Variants in SORBS2 observed in about 807,000 individuals in gnomAD.
SORBS2 encodes sorbin and SH3 domain containing 2.
In SORBS2, 46 loss-of-function variants were observed where a neutral mutation model predicts 97.7. The observed-to-expected ratio is 0.47, with a 90% CI of 0.37 to 0.60. The LOEUF (loss-of-function observed/expected upper bound fraction) is 0.60. SORBS2 is among the 20% of genes least tolerant of loss of function. The pLI is 0.00. For synonymous variants in SORBS2, 476 were observed against 473.4 expected, an observed-to-expected ratio of 1.01 and a Z score of -0.07; for missense variants, 1,316 against 1,282.3, an observed-to-expected ratio of 1.03 and a Z score of -0.40.
At chr4:185,802,303 G>C (rs2099134596) in intron 1 of SORBS2, among the ~76,000 whole-genome samples, 1 of 152,114 alleles carries the variant, frequency 6.6e-6, no homozygotes, top group Non-Finnish European at 1.5e-5. Flanking sequence ...TAAATTGTAA[G>C]CTCTTTCAAT....
chr4:185,666,184 G>T lies in SORBS2; in HGVS notation c.-45-3942C>A, dbSNP rs772057366. On this transcript the variant is annotated intron_variant, in intron 4 of 20. Coordinates refer to the SORBS2 transcript ENST00000284776. ...TGAAGCATTTACCTCCAACACACTG[G>T]CAGGTAAGTTCTGATTTCCAAGCTG... 1.6e-5 allele frequency: 21 copies of T among 1,289,218 alleles called. No individual in the cohort carries two copies. The South Asian group carries it at 2.5e-4, about 15-fold the overall frequency. 79.9% of individuals were successfully genotyped at this position (1,289,218 alleles called of 1,614,324 possible). A position where few individuals can be genotyped will look rare whatever the true frequency, so the allele number is the denominator to read the frequency against.
chr4:185,649,703 C>T (rs1324745830), intron 2 of SORBS2, 47 bp from the exon 12 acceptor site: 2 of 1,187,886 alleles, frequency 1.7e-6, no homozygotes, highest in Non-Finnish European at 2.2e-6. Context: ...AAGCAAATCA[C>T]CTCTTAAAAA....
intron 4 of SORBS2, among the ~76,000 whole-genome samples, chr4:185,663,992 C>T (rs753995836): frequency 6.6e-6 from 1 of 151,408 alleles, no homozygotes; most frequent in Non-Finnish European, 1.5e-5. Context: ...GTAGTTGGGA[C>T]TACAGGCGCC....
chr4:185,861,328 C>T (rs2099223629), intron 1 of SORBS2, among the ~76,000 whole-genome samples: 1 of 138,206 alleles, frequency 7.2e-6, no homozygotes, highest in African/African-American at 2.8e-5. Flanking sequence ...GGGGTGGGGT[C>T]CATCAGTCGG....
At chr4:185,664,949 T>C (rs961227681) in intron 4 of SORBS2, among the ~76,000 whole-genome samples, 3 of 152,168 alleles carry the variant, frequency 2.0e-5, no homozygotes, top group Non-Finnish European at 2.9e-5. Flanking sequence ...ATATGCAATA[T>C]AGAATCTGTG....
Position 185,607,375 on chromosome 4 carries a change from G to A in SORBS2, c.2796+4405C>T. Reference sequence around the variant, plus strand: ...CTTGGAAATGAGCACGGATTATGAAGTTAAGAAAAAATAAACTAAGAAAAT... The same window carrying A: ...CTTGGAAATGAGCACGGATTATGAAATTAAGAAAAAATAAACTAAGAAAAT... On this transcript the variant is annotated intron_variant, in intron 12 of 14. Coordinates refer to ENST00000418609, the Ensembl canonical transcript of SORBS2. The surrounding 1 kb of genome is among the most constrained non-coding windows in gnomAD (Gnocchi z 5.2). The A allele has an allele frequency of 8.2e-7, 1 of 1,213,984 alleles. No individual in the cohort carries two copies. The allele number at this position is 1,213,984 out of a possible 1,614,324, so 75.2% of individuals were successfully genotyped here.
At chr4:185,849,258 G>C (rs1215164522) in intron 1 of SORBS2, among the ~76,000 whole-genome samples, 1 of 152,142 alleles carries the variant, frequency 6.6e-6, no homozygotes, top group Non-Finnish European at 1.5e-5. Flanking sequence ...CTAGAGAGCA[G>C]ACACTACCCA....
chr4:185,601,598 G>A (rs1255552086), intron 12 of SORBS2, among the ~76,000 whole-genome samples: 3 of 152,104 alleles, frequency 2.0e-5, no homozygotes, highest in Non-Finnish European at 4.4e-5. Flanking sequence ...ATATTTCTAC[G>A]TTGTTTAAGC....
At chr4:185,872,474 G>A (rs2099230944) in intron 1 of SORBS2, among the ~76,000 whole-genome samples, 1 of 152,140 alleles carries the variant, frequency 6.6e-6, no homozygotes, top group South Asian at 2.1e-4. Flanking sequence ...TGTGCGCGTG[G>A]AATGCACTAA....
At chr4:185,718,103 C>T (rs1040581972) in intron 2 of SORBS2, among the ~76,000 whole-genome samples, 2 of 151,940 alleles carry the variant, frequency 1.3e-5, no homozygotes, top group African/African-American at 2.4e-5. Context: ...TGGTGGCGGG[C>T]GCCTATAATC....
chr4:185,736,727 C>T (rs879374151), intron 2 of SORBS2, among the ~76,000 whole-genome samples: 7 of 152,194 alleles, frequency 4.6e-5, no homozygotes, highest in Middle Eastern at 3.4e-3. Flanking sequence ...CAGGGTGTGT[C>T]GAGCCTGTGG....
At position 185,607,485 on chromosome 4, in the gene SORBS2, G is replaced by A. The variant is rs1300906163; in HGVS notation, c.2796+4295C>T. 7 of 385,366 alleles carry A rather than the reference G, an allele frequency of 1.8e-5. No individual in the cohort carries two copies. Among genetic ancestry groups the A allele is most frequent in the Non-Finnish European group, 3.2e-5 (7 of 218,574 alleles). The allele number at this position is 385,366 out of a possible 1,614,324, so 23.9% of individuals were successfully genotyped here. ...TGAAAATAATTTTATGTTTAACATA[G>A]ATTTGAAGACATTTAGAAGATATCT... is the stretch of plus-strand genomic sequence containing the variant. On this transcript the variant is annotated intron_variant, in intron 12 of 14. Transcript: ENST00000418609. This position sits in a 1 kb window ranked among gnomAD's most constrained non-coding sequence, Gnocchi z 5.2.
chr4:185,587,716 G>A (rs893170794), intron 14 of SORBS2, 28 bp from the exon 27 acceptor site: 2 of 1,572,518 alleles, frequency 1.3e-6, no homozygotes, highest in Admixed American at 3.4e-5. Context: ...TCATGAAAGG[G>A]GGGTGACAAC....
chr4:185,750,917 A>G (rs1020942829), intron 2 of SORBS2, among the ~76,000 whole-genome samples: 2 of 152,014 alleles, frequency 1.3e-5, no homozygotes, highest in African/African-American at 4.8e-5. Context: ...TGGGTCAAGG[A>G]GTTGGAATTC....
At chr4:185,889,705 C>T (rs1252506207) in intron 1 of SORBS2, among the ~76,000 whole-genome samples, 7 of 152,062 alleles carry the variant, frequency 4.6e-5, no homozygotes, top group African/African-American at 7.2e-5. Flanking sequence ...CCTCCTCCTC[C>T]GCCTGACAGT....
chr4:185,831,613 G>A (rs1040166905), intron 1 of SORBS2, among the ~76,000 whole-genome samples: 5 of 152,140 alleles, frequency 3.3e-5, no homozygotes, highest in East Asian at 1.9e-4. Flanking sequence ...CAGTGAGTCC[G>A]GCATTCCATG....
At chr4:185,913,537 T>G (rs1416936017) in intron 1 of SORBS2, among the ~76,000 whole-genome samples, 1 of 152,190 alleles carries the variant, frequency 6.6e-6, no homozygotes, top group Non-Finnish European at 1.5e-5. Context: ...GCAATGATTG[T>G]GTTAAACGGT....
At chr4:185,666,261 T>A in intron 4 of SORBS2, 5 of 949,308 alleles carry the variant, frequency 5.3e-6, no homozygotes, top group Non-Finnish European at 7.3e-6. Context: ...CAAAAGTACC[T>A]CTTTTTGCGA....
At chr4:185,943,211 A>C (rs144871345) in intron 1 of SORBS2, among the ~76,000 whole-genome samples, 195 of 152,354 alleles carry the variant, frequency 1.3e-3, no homozygotes, top group Non-Finnish European at 2.4e-3. Flanking sequence ...GCTTAAGGCC[A>C]TTTCAACCTA....
Sources: gnomAD v4.1 joint callset for allele counts (sites outside exome capture counted in the v4.1 genomes callset) on GRCh38, gnomAD v4.1.1 for gene constraint, Gnocchi (gnomAD v3.1) non-coding constraint, MANE v1.5 for transcripts, NCBI Gene and HGNC (gene_info 2026-07-23, HGNC 2026-07-21) for gene names.